The following GREB1L variants were observed in gnomAD, a reference collection of about 807,000 sequenced individuals.
GREB1L encodes GREB1 like retinoic acid receptor coactivator, also known as GREB1-like protein.
In GREB1L, 17 loss-of-function variants were observed where a neutral mutation model predicts 200.8. The observed-to-expected ratio is 0.08, with a 90% CI of 0.06 to 0.13. The LOEUF (loss-of-function observed/expected upper bound fraction) is 0.13. Among genes scored for constraint, GREB1L ranks in the 10% least tolerant of loss-of-function variants. The probability of loss-of-function intolerance (pLI) is 1.00; values close to 1 mark genes in which losing one functional copy is unlikely to be tolerated. For synonymous variants in GREB1L, 789 were observed against 893.0 expected, an observed-to-expected ratio of 0.88 and a Z score of 2.08; for missense variants, 1,657 against 2,367.7, an observed-to-expected ratio of 0.70 and a Z score of 6.23.
intron 1 of GREB1L, among the ~76,000 whole-genome samples, chr18:21,348,948 A>G (rs1390118856): frequency 6.6e-6 from 1 of 152,172 alleles, no homozygotes; most frequent in African/African-American, 2.4e-5. Context: ...CTGTCTTAAA[A>G]CAAGAACAAC....
At chr18:21,379,444 G>GATCT (rs2040213566) in intron 2 of GREB1L, among the ~76,000 whole-genome samples, 1 of 152,158 alleles carries the variant, frequency 6.6e-6, no homozygotes, top group Non-Finnish European at 1.5e-5. Context: ...GACCTCAGGT[G>GATCT]ATCTGCCCGC....
chr18:21,363,273 T>TCCCCCCCCC (rs2039606295), intron 1 of GREB1L, among the ~76,000 whole-genome samples: 10 of 4,760 alleles, frequency 2.1e-3, no homozygotes, highest in Non-Finnish European at 2.7e-3. Context: ...CTGCCCCCAC[T>TCCCCCCCCC]CCGCCTCCCC....
At chr18:21,377,546 C>T (rs1316356564) in intron 2 of GREB1L, among the ~76,000 whole-genome samples, 5 of 152,172 alleles carry the variant, frequency 3.3e-5, no homozygotes, top group African/African-American at 4.8e-5. Context: ...GAGGCCGAGG[C>T]GAGCAGACCA....
At chr18:21,313,946 C>T (rs1211589610) in intron 1 of GREB1L, among the ~76,000 whole-genome samples, 2 of 152,002 alleles carry the variant, frequency 1.3e-5, no homozygotes, top group Non-Finnish European at 2.9e-5. Flanking sequence ...GGGTTTTTTC[C>T]CTCCTAGACA....
intron 1 of GREB1L, among the ~76,000 whole-genome samples, chr18:21,319,059 C>T (rs1230500816): frequency 1.3e-5 from 2 of 152,180 alleles, no homozygotes; most frequent in African/African-American, 4.8e-5. Context: ...TCTTGGCCAA[C>T]AGTCAGGAAG....
chr18:21,353,434 G>A (rs527249310), intron 1 of GREB1L, among the ~76,000 whole-genome samples: 1 of 151,970 alleles, frequency 6.6e-6, no homozygotes, highest in Admixed American at 6.6e-5. Flanking sequence ...CAAGGGTGGG[G>A]GTACTAATGT....
At chr18:21,444,756 T>G (rs2034112160) in intron 11 of GREB1L, among the ~76,000 whole-genome samples, 1 of 152,226 alleles carries the variant, frequency 6.6e-6, no homozygotes, top group African/African-American at 2.4e-5. Context: ...CAGGCCACCT[T>G]TCTGAAAGTG....
intron 17 of GREB1L, among the ~76,000 whole-genome samples, chr18:21,483,538 C>T (rs2036002179): frequency 6.6e-6 from 1 of 152,124 alleles, no homozygotes. Context: ...TCTCATAAAG[C>T]CTGTTTACCC....
chr18:21,462,086 C>T (rs2035068430), intron 15 of GREB1L, among the ~76,000 whole-genome samples: 1 of 152,178 alleles, frequency 6.6e-6, no homozygotes, highest in Admixed American at 6.5e-5. Context: ...ACTGGTGCTC[C>T]TATGTTCCCA....
intron 2 of GREB1L, among the ~76,000 whole-genome samples, chr18:21,375,498 A>T (rs1399754289): frequency 6.6e-6 from 1 of 152,226 alleles, no homozygotes; most frequent in Non-Finnish European, 1.5e-5. Context: ...ACTGTGATAA[A>T]TAGAGATGAG....
rs796159765 is a variant in GREB1L at position 21,473,572 on chromosome 18, AAAAAAAAAAAAAAAAG to A, written c.2363+365_2363+380del. Among the ~76,000 whole-genome samples the A allele has an allele frequency of 1.7e-3, 217 of 125,726 alleles. 1 individual carries two copies. The highest frequency in any genetic ancestry group is 6.6e-3 in the African/African-American group (209 of 31,658). The allele number at this position is 125,726 out of a possible 152,430, so 82.5% of individuals were successfully genotyped here. On this transcript the variant is annotated intron_variant, in intron 16 of 32. Transcript: ENST00000424526. The stretch of plus-strand genomic sequence containing the variant: ...TGACAGAGTGAGACTTTGTCTCAAA[AAAAAAAAAAAAAAAAG>A]AAAGAAAAGAAAATGTGTTAAAGGT...
chr18:21,461,298 A>G (rs747295552), intron 15 of GREB1L, among the ~76,000 whole-genome samples: 1 of 151,388 alleles, frequency 6.6e-6, no homozygotes, highest in Non-Finnish European at 1.5e-5. Context: ...CTTCTCTCTC[A>G]TTGCTTCAAC....
intron 1 of GREB1L, among the ~76,000 whole-genome samples, chr18:21,310,658 C>G (rs2038775894): frequency 6.6e-6 from 1 of 152,100 alleles, no homozygotes; most frequent in South Asian, 2.1e-4. Context: ...TCAGATACCC[C>G]CACAGGTCCC....
chr18:21,449,848 TTTTGTTTTTTGTTTGTTTAATCAATTCA>T lies in GREB1L; in HGVS notation c.1720+15_1720+42del. 1 of 1,478,128 alleles carries T rather than the reference TTTTGTTTTTTGTTTGTTTAATCAATTCA, an allele frequency of 6.8e-7. No individual in the cohort carries two copies. Among genetic ancestry groups the T allele is most frequent in the Non-Finnish European group, 9.0e-7 (1 of 1,110,490 alleles). 91.6% of individuals were successfully genotyped at this position (1,478,128 alleles called of 1,614,324 possible). On this transcript the variant is annotated intron_variant, in intron 12 of 32. Transcript: ENST00000424526. ...TGTGGTAGTGTTAGGTGAGTAATTTTTTTGTTTTTTGTTTGTTTAATCAATTCATTCGACCATTTTTCCATTTAAAAAT... is the reference window on the plus strand; with the variant it reads ...TGTGGTAGTGTTAGGTGAGTAATTTTTTCGACCATTTTTCCATTTAAAAAT...
chr18:21,478,514 C>T lies in GREB1L; in HGVS notation c.2556+1158C>T, dbSNP rs373139423. On this transcript the variant is annotated intron_variant, in intron 17 of 32. Coordinates refer to ENST00000424526, the MANE Select transcript of GREB1L (RefSeq NM_001142966.3). ...CTAACATTTATTTTTCAACCCAGTG[C>T]ATTTTATTCTGTCATGAAGTAGGTA... 2.0e-4 allele frequency among the ~76,000 whole-genome samples: 30 copies of T among 152,262 alleles called. No individual in the cohort carries two copies. In the Middle Eastern group the frequency reaches 0.01, roughly 52 times the overall value.
At chr18:21,384,457 A>G (rs2040452959) in intron 4 of GREB1L, 54 bp downstream of exon 4, 1 of 1,372,886 alleles carries the variant, frequency 7.3e-7, no homozygotes, top group African/African-American at 1.5e-5. Flanking sequence ...ATTGTCTGAC[A>G]TATTTCTAAT....
intron 1 of GREB1L, among the ~76,000 whole-genome samples, chr18:21,243,478 A>T (rs1394760857): frequency 6.6e-6 from 1 of 152,212 alleles, no homozygotes; most frequent in Non-Finnish European, 1.5e-5. Context: ...TCACACCGTA[A>T]GGTGTTTTTT....
At chr18:21,462,725 C>G (rs1303369270) in intron 15 of GREB1L, among the ~76,000 whole-genome samples, 1 of 152,286 alleles carries the variant, frequency 6.6e-6, no homozygotes, top group Admixed American at 6.5e-5. Flanking sequence ...GCTGGGATTA[C>G]CAGTGTGAGC....
At chr18:21,382,010 C>G (rs909134369) in intron 2 of GREB1L, among the ~76,000 whole-genome samples, 3 of 152,122 alleles carry the variant, frequency 2.0e-5, no homozygotes, top group Admixed American at 2.0e-4. Context: ...ACAAGCCTTA[C>G]CTACCAGCTT....
Sources: gnomAD v4.1 joint callset for allele counts (sites outside exome capture counted in the v4.1 genomes callset) on GRCh38, gnomAD v4.1.1 for gene constraint, MANE v1.5 for transcripts, NCBI Gene and HGNC (gene_info 2026-07-23, HGNC 2026-07-21) for gene names.